The following TLE6 variants were observed in gnomAD, a reference collection of about 807,000 sequenced individuals.
The protein encoded by TLE6 is TLE family member 6, subcortical maternal complex member, also known as transducin-like enhancer protein 6.
TLE6 carries 72 observed loss-of-function variants against 77.1 expected under a neutral mutation model. The observed-to-expected ratio is 0.93, with a 90% CI of 0.77 to 1.14. TLE6 has a LOEUF of 1.14. TLE6 is among the 50% of genes most tolerant of loss of function. The pLI, the probability that TLE6 is intolerant of heterozygous loss-of-function variation, is 0.00. For missense variants in TLE6, 843 were observed against 747.6 expected, an observed-to-expected ratio of 1.13 and a Z score of -1.49; for synonymous variants, 366 against 287.3, an observed-to-expected ratio of 1.27 and a Z score of -2.77.
In TLE6 at chr19:2,987,104, TG is replaced by T; in HGVS notation, c.412del (p.Glu138ArgfsTer22). 1 of 1,614,058 alleles carries T rather than the reference TG, an allele frequency of 6.2e-7. No homozygotes were observed. The highest frequency in any genetic ancestry group is 8.5e-7 in the Non-Finnish European group (1 of 1,180,008). On this transcript the variant is annotated frameshift_variant, in exon 7 of 17. Transcript: ENST00000246112. LOFTEE classifies it high-confidence loss of function. The part of the protein sequence containing the change: ...TRSSDWLRRP[L>X]GEDNQPETQL... ...TCCTCCGACTGGCTCCGGCGGCCTTTGGGGGAGGACAATCAGCCGGAGACCC... is the reference window on the plus strand; with the variant it reads ...TCCTCCGACTGGCTCCGGCGGCCTTTGGGGAGGACAATCAGCCGGAGACCC...
At chr19:2,993,302 G>A in intron 14 of TLE6, 130 bp from the exon 15 acceptor site, 3 of 919,450 alleles carry the variant, frequency 3.3e-6, no homozygotes, top group Non-Finnish European at 1.6e-6. Context: ...GAAGTTGCTT[G>A]TCCCAGGGCT....
intron 11 of TLE6, 146 bp downstream of exon 11, chr19:2,988,274 C>A: frequency 1.0e-6 from 1 of 954,858 alleles, no homozygotes; most frequent in Non-Finnish European, 1.6e-6. Flanking sequence ...CCATCCTCTC[C>A]AACAGCCGCT....
intron 1 of TLE6, among the ~76,000 whole-genome samples, chr19:2,977,900 T>TC (rs1306928658): frequency 6.6e-6 from 1 of 151,886 alleles, no homozygotes; most frequent in Non-Finnish European, 1.5e-5. Flanking sequence ...TTCCCTGGGC[T>TC]CCCCCGTCCC....
chr19:2,978,102 A>C, intron 1 of TLE6, 96 bp from the exon 2 acceptor site: 1 of 892,350 alleles, frequency 1.1e-6, no homozygotes, highest in African/African-American at 1.7e-5. Context: ...GAGACTTACC[A>C]AACTGGGAGG....
At chr19:2,994,531 G>GT (rs2089164606) in intron 16 of TLE6, among the ~76,000 whole-genome samples, 1 of 152,150 alleles carries the variant, frequency 6.6e-6, no homozygotes, top group African/African-American at 2.4e-5. Flanking sequence ...AATGGCGTGA[G>GT]CCAGGGAGGC....
intron 8 of TLE6, 100 bp downstream of exon 8, chr19:2,987,472 T>G: frequency 6.5e-7 from 1 of 1,536,686 alleles, no homozygotes; most frequent in South Asian, 1.1e-5. Flanking sequence ...GGATTTGTCT[T>G]CCTTCCATCC....
chr19:2,984,194 T>C (rs2088857787), intron 5 of TLE6: 1 of 152,406 alleles, frequency 6.6e-6, no homozygotes, highest in South Asian at 2.1e-4. Flanking sequence ...AGCCACACTT[T>C]TCATGCTGAG....
intron 8 of TLE6, 128 bp downstream of exon 8, chr19:2,987,500 G>C (rs1253945679): frequency 2.2e-6 from 3 of 1,378,958 alleles, no homozygotes; most frequent in South Asian, 1.2e-5. Context: ...CGGGTCCCCC[G>C]GGGGGGACTT....
chr19:2,988,098 C>G lies in TLE6; in HGVS notation c.710C>G (p.Pro237Arg). The G allele has an allele frequency of 6.4e-7, 1 of 1,552,200 alleles. No individual in the cohort carries two copies. Among genetic ancestry groups the G allele is most frequent in the Non-Finnish European group, 8.7e-7 (1 of 1,147,240 alleles). The change falls in exon 11 of 17, where the codon CCT becomes CGT. Residue 237 changes from proline (P) to arginine (R), a missense_variant. By Grantham distance (103) the Pro-to-Arg change is moderately radical (BLOSUM62 -2). Coordinates refer to ENST00000246112, the MANE Select transcript of TLE6 (RefSeq NM_001143986.2). ...NTSWGVVQEPPGRASRFLQSI... is the reference protein window; with the variant it reads ...NTSWGVVQEPRGRASRFLQSI... Reference sequence around the variant, plus strand: ...GATCTCCCCCGCCTGCAGGAGCCTCCTGGAAGAGCCTCTCGGTTTCTACAG... The same window carrying G: ...GATCTCCCCCGCCTGCAGGAGCCTCGTGGAAGAGCCTCTCGGTTTCTACAG...
intron 13 of TLE6, among the ~76,000 whole-genome samples, chr19:2,990,870 A>G (rs996678161): frequency 3.3e-5 from 5 of 149,568 alleles, no homozygotes; most frequent in East Asian, 4.0e-4. Flanking sequence ...GCGTGGTGGC[A>G]CATGCCTGTA....
Position 2,990,941 on chromosome 19 carries a change from G to A in TLE6, c.1245-902G>A, listed in dbSNP as rs1329110566. Among the ~76,000 whole-genome samples the A allele has an allele frequency of 5.3e-5, 8 of 150,834 alleles. No homozygotes were observed. The Admixed American group carries it at 5.3e-4, about 10-fold the overall frequency. The stretch of plus-strand genomic sequence containing the variant: ...GCTTGAGAAGCGGAGTTTGTGGTGA[G>A]CCAAGATGGTGCCACTGCACTCCAG... On this transcript the variant is annotated intron_variant, in intron 13 of 16. Coordinates refer to ENST00000246112, the MANE Select transcript of TLE6 (RefSeq NM_001143986.2).
At chr19:2,990,660 A>T (rs939770834) in intron 13 of TLE6, among the ~76,000 whole-genome samples, 7 of 141,850 alleles carry the variant, frequency 4.9e-5, no homozygotes, top group Non-Finnish European at 1.1e-4. Flanking sequence ...TAAATACATA[A>T]ATATATACAT....
intron 5 of TLE6, 150 bp downstream of exon 5, chr19:2,982,339 A>AC (rs2145022401): frequency 1.2e-6 from 1 of 802,072 alleles, no homozygotes; most frequent in East Asian, 2.8e-5. Flanking sequence ...GGAGTTCGAG[A>AC]CCAGCCTGAT....
At chr19:2,990,385 C>T (rs771692886) in intron 13 of TLE6, among the ~76,000 whole-genome samples, 30 of 151,040 alleles carry the variant, frequency 2.0e-4, no homozygotes, top group Non-Finnish European at 3.2e-4. Flanking sequence ...GGCAGATCCA[C>T]GAGGTCAGGA....
intron 2 of TLE6, among the ~76,000 whole-genome samples, chr19:2,979,065 C>T (rs918610300): frequency 1.3e-5 from 2 of 152,120 alleles, no homozygotes; most frequent in Non-Finnish European, 2.9e-5. Flanking sequence ...GATTCTCCTG[C>T]CTCGCCTCCC....
chr19:2,977,508 A>C (rs2088699930), upstream of TLE6: 1 of 152,390 alleles, frequency 6.6e-6, no homozygotes, highest in East Asian at 1.9e-4. Context: ...GGGCGGGGAC[A>C]AGGCGGGACG....
intron 5 of TLE6, among the ~76,000 whole-genome samples, chr19:2,986,328 A>T (rs2145038480): frequency 6.6e-6 from 1 of 152,046 alleles, no homozygotes; most frequent in East Asian, 1.9e-4. Context: ...AGATGGGAGG[A>T]TCACTTGAGC....
intron 13 of TLE6, 99 bp downstream of exon 13, chr19:2,989,884 C>A: frequency 6.6e-7 from 1 of 1,509,362 alleles, no homozygotes; most frequent in Non-Finnish European, 9.0e-7. Flanking sequence ...CTTCCTGCCA[C>A]CTCCTGAACC....
intron 5 of TLE6, among the ~76,000 whole-genome samples, chr19:2,982,790 C>T (rs1461584533): frequency 2.0e-5 from 3 of 152,136 alleles, no homozygotes; most frequent in Non-Finnish European, 4.4e-5. Flanking sequence ...GTCAGTCCTG[C>T]TCCTTCCGCT....
Sources: gnomAD v4.1 joint callset for allele counts (sites outside exome capture counted in the v4.1 genomes callset) on GRCh38, gnomAD v4.1.1 for gene constraint, MANE v1.5 for transcripts, NCBI Gene and HGNC (gene_info 2026-07-23, HGNC 2026-07-21) for gene names.